Variants in APBA2 observed in about 807,000 individuals in gnomAD.
APBA2 encodes the protein amyloid-beta A4 precursor protein-binding family A member 2.
APBA2 carries 30 observed loss-of-function variants against 75.0 expected under a neutral mutation model. That is an observed-to-expected ratio of 0.40 (90% CI 0.30 to 0.54). The LOEUF is 0.54. Ranked by LOEUF, APBA2 falls within the 20% of genes least tolerant of loss-of-function variation. The pLI, the probability that APBA2 is intolerant of heterozygous loss-of-function variation, is 0.49. For missense variants in APBA2, 801 were observed against 1,016.1 expected (o/e 0.79, Z 2.88); for synonymous variants, 444 against 409.6 (o/e 1.08, Z -1.01).
In APBA2 at chr15:28,918,287, A is replaced by C. The variant is rs2033782217; in HGVS notation, c.-204-3353A>C. 6.6e-6 allele frequency among the ~76,000 whole-genome samples: 1 copy of C among 152,186 alleles called. No individual in the cohort carries two copies. ...CTCAACCCAGGCCACTGCCCTCGGC[A>C]GCCAAGCCCCTTCTTTATTTTGGAA... On this transcript the variant is annotated intron_variant, in intron 1 of 14. Coordinates refer to ENST00000683413, the MANE Select transcript of APBA2 (RefSeq NM_001353788.2). This position sits in a 1 kb window ranked among gnomAD's most constrained non-coding sequence, Gnocchi z 4.2.
intron 6 of APBA2, among the ~76,000 whole-genome samples, chr15:29,078,621 AAAAC>A (rs1373779049): frequency 1.3e-5 from 2 of 151,794 alleles, no homozygotes; most frequent in Non-Finnish European, 2.9e-5. Flanking sequence ...AAAAAAAAAA[AAAAC>A]AAAACAAAAA....
chr15:29,108,164 G>A, intron 12 of APBA2, 106 bp from the exon 13 acceptor site: 1 of 1,533,498 alleles, frequency 6.5e-7, no homozygotes. Flanking sequence ...CTCCCATTGT[G>A]TGTTCTCACT....
intron 10 of APBA2, among the ~76,000 whole-genome samples, chr15:29,103,057 C>G (rs891857042): frequency 6.6e-6 from 1 of 152,228 alleles, no homozygotes; most frequent in Non-Finnish European, 1.5e-5. Context: ...GGAGACCCTT[C>G]GAAACCTGGA....
chr15:29,105,667 A>T, intron 11 of APBA2, 109 bp downstream of exon 11: 1 of 1,250,624 alleles, frequency 8.0e-7, no homozygotes, highest in Admixed American at 1.9e-5. Flanking sequence ...TTGCCTTCCT[A>T]TCAGACTCCA....
chr15:29,043,270 C>T (rs766748269), intron 3 of APBA2, among the ~76,000 whole-genome samples: 6 of 152,108 alleles, frequency 3.9e-5, no homozygotes, highest in Non-Finnish European at 8.8e-5. Context: ...TCGCCCTTTG[C>T]GTATTTCGAG....
At chr15:28,978,888 C>T (rs2037477032) in intron 2 of APBA2, among the ~76,000 whole-genome samples, 1 of 152,244 alleles carries the variant, frequency 6.6e-6, no homozygotes, top group African/African-American at 2.4e-5. Flanking sequence ...GCAGCTTGAG[C>T]TGCTTAATGG....
At chr15:28,897,554 G>C (rs1034815905) in intron 1 of APBA2, among the ~76,000 whole-genome samples, 3 of 147,478 alleles carry the variant, frequency 2.0e-5, no homozygotes, top group East Asian at 2.0e-4. Flanking sequence ...GGAGGTGGAG[G>C]TTGCAGTGAG....
intron 2 of APBA2, among the ~76,000 whole-genome samples, chr15:28,976,838 T>C (rs1233076966): frequency 6.6e-6 from 1 of 152,212 alleles, no homozygotes; most frequent in East Asian, 1.9e-4. Context: ...ACCCATAACA[T>C]TCAGCATCTC....
intron 3 of APBA2, among the ~76,000 whole-genome samples, chr15:29,041,899 A>G (rs2041066275): frequency 6.6e-6 from 1 of 152,214 alleles, no homozygotes; most frequent in Non-Finnish European, 1.5e-5. Flanking sequence ...TGAACTTTGA[A>G]TAAAGGGCAC....
rs536777435 is a variant in APBA2 at position 29,029,384 on chromosome 15, A to C, written c.-40-24461A>C. 1.5e-3 allele frequency among the ~76,000 whole-genome samples: 235 copies of C among 151,878 alleles called. 2 individuals carry two copies. Among genetic ancestry groups the C allele is most frequent in the Middle Eastern group, 6.8e-3 (2 of 292 alleles). ...ATGTGTATATTTCCTAATGAGTACT[A>C]ATTTGGCCATATCCCCTAGTTGTGA... On this transcript the variant is annotated intron_variant, in intron 3 of 14. Transcript: ENST00000683413.
chr15:29,103,406 A>G (rs533979850), intron 10 of APBA2, among the ~76,000 whole-genome samples: 1 of 152,216 alleles, frequency 6.6e-6, no homozygotes, highest in African/African-American at 2.4e-5. Flanking sequence ...GGGCTCCTGG[A>G]CTCACAGCAG....
At chr15:29,074,823 A>T in intron 4 of APBA2, 98 bp from the exon 5 acceptor site, 1 of 1,030,324 alleles carries the variant, frequency 9.7e-7, no homozygotes, top group Non-Finnish European at 1.5e-6. Flanking sequence ...AGACATACAC[A>T]TGCATTTTAC....
At chr15:28,975,153 C>T (rs1453053480) in intron 2 of APBA2, among the ~76,000 whole-genome samples, 1 of 152,132 alleles carries the variant, frequency 6.6e-6, no homozygotes, top group South Asian at 2.1e-4. Flanking sequence ...AAGGGAACTT[C>T]TTTAGGAAAA....
chr15:29,086,989 A>G (rs992449458), intron 6 of APBA2, among the ~76,000 whole-genome samples: 2 of 152,144 alleles, frequency 1.3e-5, no homozygotes, highest in Non-Finnish European at 2.9e-5. Flanking sequence ...TTTTATTGTA[A>G]GCATGTCTTC....
chr15:29,050,860 G>A (rs761622237), intron 3 of APBA2, among the ~76,000 whole-genome samples: 7 of 152,232 alleles, frequency 4.6e-5, no homozygotes, highest in Non-Finnish European at 1.0e-4. Flanking sequence ...AACGTGCACA[G>A]CTTGATGTCA....
At chr15:29,090,525 G>C (rs987778337) in intron 6 of APBA2, among the ~76,000 whole-genome samples, 5 of 152,242 alleles carry the variant, frequency 3.3e-5, no homozygotes, top group African/African-American at 7.2e-5. Flanking sequence ...AGATTCCAAA[G>C]GGAGGGCTGG....
chr15:28,927,664 T>A (rs1436634678), intron 2 of APBA2, among the ~76,000 whole-genome samples: 1 of 151,390 alleles, frequency 6.6e-6, no homozygotes, highest in African/African-American at 2.4e-5. Flanking sequence ...TGAGCTCAGG[T>A]GATCCCCCCG....
chr15:28,907,192 T>C (rs192248705), intron 1 of APBA2, among the ~76,000 whole-genome samples: 6 of 152,282 alleles, frequency 3.9e-5, no homozygotes, highest in African/African-American at 1.4e-4. Flanking sequence ...GGGATGTAGT[T>C]TTTTTATAGG....
chr15:29,105,836 A>G (rs2044375518), intron 11 of APBA2, among the ~76,000 whole-genome samples: 1 of 152,248 alleles, frequency 6.6e-6, no homozygotes, highest in African/African-American at 2.4e-5. Flanking sequence ...CTCAGCACCC[A>G]GGAGATATTT....
Sources: gnomAD v4.1 joint callset for allele counts (sites outside exome capture counted in the v4.1 genomes callset) on GRCh38, gnomAD v4.1.1 for gene constraint, Gnocchi (gnomAD v3.1) non-coding constraint, MANE v1.5 for transcripts, NCBI Gene and HGNC (gene_info 2026-07-23, HGNC 2026-07-21) for gene names.